ZC3HAV1: variants seen among roughly 807,000 people sequenced by gnomAD.
ZC3HAV1 encodes zinc finger CCCH-type antiviral protein 1.
Under a neutral mutation model 86.6 loss-of-function variants are expected in ZC3HAV1, and 41 were observed. The observed-to-expected ratio is 0.47, with a 90% confidence interval of 0.37 to 0.61. ZC3HAV1 has a LOEUF of 0.61. Ranked by LOEUF, ZC3HAV1 falls within the 20% of genes least tolerant of loss-of-function variation. The pLI, the probability that ZC3HAV1 is intolerant of heterozygous loss-of-function variation, is 0.00. For missense variants in ZC3HAV1, 964 were observed against 1,141.1 expected, an observed-to-expected ratio of 0.84 and a Z score of 2.24; for synonymous variants, 421 against 432.1, an observed-to-expected ratio of 0.97 and a Z score of 0.32.
At chr7:139,067,028 A>G (rs748080912) in intron 7 of ZC3HAV1, among the ~76,000 whole-genome samples, 4 of 152,168 alleles carry the variant, frequency 2.6e-5, no homozygotes, top group Non-Finnish European at 4.4e-5. Flanking sequence ...CCTCACTTTG[A>G]CTAGCAAGCC....
chr7:139,083,640 TC>T lies in ZC3HAV1; in HGVS notation c.697+139del, dbSNP rs1817190459. On this transcript the variant is annotated intron_variant, in intron 3 of 12. Transcript: ENST00000242351. ...TACTCGGGAGGCTGAGGCAGGAGAA[TC>T]ACTTGAACCTGGGAGGCAGAGGTTG... The T allele has an allele frequency of 5.1e-6, 6 of 1,167,102 alleles. No homozygotes were observed. In the East Asian group the frequency reaches 1.3e-4, roughly 26 times the overall value. 72.3% of individuals were successfully genotyped at this position (1,167,102 alleles called of 1,614,324 possible).
At chr7:139,065,914 G>A (rs1357543147) in intron 7 of ZC3HAV1, among the ~76,000 whole-genome samples, 1 of 151,826 alleles carries the variant, frequency 6.6e-6, no homozygotes, top group African/African-American at 2.4e-5. Context: ...AGAAAGAAAA[G>A]GAAAGAAGGG....
intron 4 of ZC3HAV1, 67 bp downstream of exon 4, chr7:139,079,403 T>G: frequency 6.2e-7 from 1 of 1,612,678 alleles, no homozygotes; most frequent in South Asian, 1.1e-5. Context: ...ATCCACTACT[T>G]GACTAGAGCC....
intron 5 of ZC3HAV1, 121 bp from the exon 6 acceptor site, chr7:139,076,530 C>A: frequency 7.7e-7 from 1 of 1,303,460 alleles, no homozygotes; most frequent in East Asian, 2.4e-5. Flanking sequence ...CAGGTTCCAT[C>A]TATACCAGCT....
chr7:139,070,620 C>G (rs1445193506), intron 7 of ZC3HAV1, among the ~76,000 whole-genome samples: 2 of 146,538 alleles, frequency 1.4e-5, no homozygotes, highest in Non-Finnish European at 3.0e-5. Flanking sequence ...GCCGAGATCG[C>G]GCCACTGCAC....
In ZC3HAV1 at chr7:139,092,010, G is replaced by C. The variant is rs190191285; in HGVS notation, c.309-2251C>G. The stretch of plus-strand genomic sequence containing the variant: ...GGGCTAGATTTTCTTTTATACTTTG[G>C]TTTAGAAAGGGGAGGGGGGGTCTAG... On this transcript the variant is annotated intron_variant, in intron 1 of 12. Coordinates refer to ENST00000242351, the MANE Select transcript of ZC3HAV1 (RefSeq NM_020119.4). Among the ~76,000 whole-genome samples, 180 of 152,238 alleles carry C rather than the reference G, an allele frequency of 1.2e-3. 2 individuals are homozygous for C. Among genetic ancestry groups the C allele is most frequent in the African/African-American group, 3.9e-3 (164 of 41,538 alleles).
chr7:139,076,608 C>A (rs1380977287), intron 5 of ZC3HAV1, among the ~76,000 whole-genome samples, 199 bp from the exon 6 acceptor site: 3 of 152,086 alleles, frequency 2.0e-5, no homozygotes, highest in African/African-American at 7.2e-5. Context: ...AACAAAAATT[C>A]AGGCAGAGTG....
intron 4 of ZC3HAV1, chr7:139,079,109 G>A (rs1290554129): frequency 6.5e-7 from 1 of 1,536,114 alleles, no homozygotes; most frequent in Admixed American, 2.0e-5. Flanking sequence ...CTTACACTGA[G>A]CAGAGCCTGT....
intron 1 of ZC3HAV1, among the ~76,000 whole-genome samples, chr7:139,099,641 T>C (rs1376945024): frequency 6.6e-6 from 1 of 152,232 alleles, no homozygotes; most frequent in African/African-American, 2.4e-5. Context: ...ATCATGAATA[T>C]ACTTATTGCC....
intron 1 of ZC3HAV1, among the ~76,000 whole-genome samples, chr7:139,098,542 C>A (rs1817670840): frequency 6.6e-6 from 1 of 152,182 alleles, no homozygotes; most frequent in South Asian, 2.1e-4. Context: ...TGGTACACAT[C>A]TGTAATCCCA....
chr7:139,073,050 C>T (rs910837975), intron 7 of ZC3HAV1, among the ~76,000 whole-genome samples: 1 of 152,146 alleles, frequency 6.6e-6, no homozygotes. Flanking sequence ...AATCTCAACA[C>T]TTTGGGAGGC....
chr7:139,109,682 C>T lies in ZC3HAV1; in HGVS notation c.-351G>A, dbSNP rs1034380477. On this transcript the variant is annotated 5_prime_UTR_variant, in exon 1 of 13. Transcript: ENST00000242351. Reference sequence around the variant, plus strand: ...GCGAGGGTGAGGTTCTCCAGCCGGGCTCCGCGAGCCTTCTTTAGAAAGAAG... The same window carrying T: ...GCGAGGGTGAGGTTCTCCAGCCGGGTTCCGCGAGCCTTCTTTAGAAAGAAG... The T allele has an allele frequency of 2.6e-5, 6 of 228,514 alleles. No individual in the cohort carries two copies. The highest frequency in any genetic ancestry group is 1.1e-4 in the Admixed American group (2 of 17,698). 14.2% of individuals were successfully genotyped at this position (228,514 alleles called of 1,614,324 possible).
In ZC3HAV1 at chr7:139,058,930, G is replaced by A. The variant is rs144589015; in HGVS notation, c.2096+2106C>T. 2.7e-3 allele frequency among the ~76,000 whole-genome samples: 409 copies of A among 152,190 alleles called. 1 individual carries two copies. Among genetic ancestry groups the A allele is most frequent in the African/African-American group, 9.3e-3 (388 of 41,526 alleles). ...TTCCACAGTTCCTGCTGTCTGGAAG[G>A]GCCATAAAGCATGGTCTCACTAGTT... On this transcript the variant is annotated intron_variant, in intron 9 of 12. Transcript: ENST00000242351.
chr7:139,066,358 G>A (rs868275536), intron 7 of ZC3HAV1, among the ~76,000 whole-genome samples: 9 of 152,276 alleles, frequency 5.9e-5, no homozygotes, highest in South Asian at 2.1e-4. Context: ...CAAGGAAAAC[G>A]TCCTGCACAG....
intron 1 of ZC3HAV1, among the ~76,000 whole-genome samples, chr7:139,105,208 C>A (rs1817900414): frequency 6.6e-6 from 1 of 151,802 alleles, no homozygotes; most frequent in Non-Finnish European, 1.5e-5. Flanking sequence ...AGCAAGATCT[C>A]ATTTCTAAAG....
rs775744498 is a variant in ZC3HAV1 at position 139,079,381 on chromosome 7, A to G, written c.1471+89T>C. ...AACCAGTGGCACCAGTTTTTTCTAC[A>G]TCAGTAGTTTTATCCACTACTTGAC... On this transcript the variant is annotated intron_variant, in intron 4 of 12. Coordinates refer to ENST00000242351, the MANE Select transcript of ZC3HAV1 (RefSeq NM_020119.4). 4.4e-6 allele frequency: 7 copies of G among 1,607,350 alleles called. No individual in the cohort carries two copies. The African/African-American group carries it at 9.3e-5, about 21-fold the overall frequency.
Position 139,079,848 on chromosome 7 carries a change from A to G in ZC3HAV1, c.1093T>C (p.Trp365Arg). The G allele has an allele frequency of 6.2e-7, 1 of 1,614,182 alleles. No individual in the cohort carries two copies. The highest frequency in any genetic ancestry group is 1.1e-5 in the South Asian group (1 of 91,080). Residue 365 changes from tryptophan (W) to arginine (R), a missense_variant, in exon 4 of 13, where the codon TGG becomes CGG. Trp to Arg is a moderately radical substitution (Grantham distance 101, BLOSUM62 -3). Coordinates refer to ENST00000242351, the MANE Select transcript of ZC3HAV1 (RefSeq NM_020119.4). ...SAPNWKSLTS[W>R]TNDQGARRKT... ...CTCCTGGCGCCTTGGTCATTCGTCC[A>G]GGATGTGAGGCTCTTCCAGTTGGGG... is the stretch of plus-strand genomic sequence containing the variant.
chr7:139,079,202 T>C lies in ZC3HAV1; in HGVS notation c.1471+268A>G, dbSNP rs766031928. 70 of 1,536,194 alleles carry C rather than the reference T, an allele frequency of 4.6e-5. 1 individual carries two copies. Among genetic ancestry groups the C allele is most frequent in the Non-Finnish European group, 4.3e-5 (49 of 1,146,946 alleles). On this transcript the variant is annotated intron_variant, in intron 4 of 12. Coordinates refer to ENST00000242351, the MANE Select transcript of ZC3HAV1 (RefSeq NM_020119.4). ...TTGGGCCCCCCAGACTGCAGCTCTG[T>C]TGCTTGAGGAAAGGGCAGCAGGTGA...
At chr7:139,100,637 T>C (rs1437282976) in intron 1 of ZC3HAV1, among the ~76,000 whole-genome samples, 2 of 152,252 alleles carry the variant, frequency 1.3e-5, no homozygotes, top group East Asian at 3.8e-4. Flanking sequence ...ACGATACCAC[T>C]TGGCCACTAT....
Sources: gnomAD v4.1 joint callset for allele counts (sites outside exome capture counted in the v4.1 genomes callset) on GRCh38, gnomAD v4.1.1 for gene constraint, MANE v1.5 for transcripts, NCBI Gene and HGNC (gene_info 2026-07-23, HGNC 2026-07-21) for gene names.